NUBPL: variants seen among roughly 807,000 people sequenced by gnomAD.
NUBPL encodes NUBP iron-sulfur cluster assembly factor, mitochondrial.
Under a neutral mutation model 45.7 loss-of-function variants are expected in NUBPL, and 31 were observed. The ratio of observed to expected loss-of-function variants is 0.68; its 90% CI spans 0.51 to 0.92. The LOEUF (loss-of-function observed/expected upper bound fraction) is 0.92, where lower values mean the gene tolerates loss of function less well. Among genes scored for constraint, NUBPL ranks in the 40% least tolerant of loss-of-function variants. The probability of loss-of-function intolerance (pLI) is 0.00; values close to 1 mark genes in which losing one functional copy is unlikely to be tolerated. For missense variants in NUBPL, 401 were observed against 398.7 expected (o/e 1.01, Z -0.05); for synonymous variants, 144 against 140.9 (o/e 1.02, Z -0.15).
intron 6 of NUBPL, among the ~76,000 whole-genome samples, chr14:31,734,211 A>G (rs1196055992): frequency 6.6e-6 from 1 of 152,214 alleles, no homozygotes; most frequent in African/African-American, 2.4e-5. Context: ...TTCTTCACAT[A>G]AAAGGCTTCA....
At chr14:31,646,891 T>G (rs1401580326) in intron 4 of NUBPL, among the ~76,000 whole-genome samples, 1 of 152,118 alleles carries the variant, frequency 6.6e-6, no homozygotes, top group East Asian at 1.9e-4. Context: ...AGGCAATCTT[T>G]GTTCCTTTTC....
chr14:31,575,532 GTTA>G (rs1275433324), intron 3 of NUBPL, among the ~76,000 whole-genome samples: 23 of 152,114 alleles, frequency 1.5e-4, no homozygotes, highest in Non-Finnish European at 1.5e-4. Context: ...TTAGCTCCGT[GTTA>G]TTATAATCTG....
At chr14:31,650,540 C>A (rs1056407243) in intron 4 of NUBPL, among the ~76,000 whole-genome samples, 1 of 152,144 alleles carries the variant, frequency 6.6e-6, no homozygotes, top group South Asian at 2.1e-4. Context: ...CCACCCATGT[C>A]GGCCTCCCAA....
chr14:31,561,544 C>T lies in NUBPL; in HGVS notation c.105C>T (p.Arg35=), dbSNP rs61763055. 7.3e-6 allele frequency: 10 copies of T among 1,378,406 alleles called. No individual in the cohort carries two copies. The highest frequency in any genetic ancestry group is 9.4e-6 in the Non-Finnish European group (10 of 1,058,898). 85.4% of individuals were successfully genotyped at this position (1,378,406 alleles called of 1,614,324 possible). A position where few individuals can be genotyped will look rare whatever the true frequency, so the allele number is the denominator to read the frequency against. ...GAAGCCGAGCGATGGTTTGTGGGCG[C>T]CAGGTCCGTGGTGCTGCAGGGCAGG... ...LGGSRAMVCG[R]QLSGAGSETL... The change falls in exon 1 of 11, where the codon CGC becomes CGT. Residue 35 remains arginine, a synonymous_variant. Transcript: ENST00000281081.
At chr14:31,656,519 T>G (rs1038001087) in intron 4 of NUBPL, among the ~76,000 whole-genome samples, 3 of 152,156 alleles carry the variant, frequency 2.0e-5, no homozygotes, top group Non-Finnish European at 1.5e-5. Flanking sequence ...GAAGCCATGA[T>G]AGCATTATTA....
At chr14:31,706,223 C>A (rs1247120450) in intron 6 of NUBPL, among the ~76,000 whole-genome samples, 1 of 152,162 alleles carries the variant, frequency 6.6e-6, no homozygotes, top group African/African-American at 2.4e-5. Context: ...CTACTTCCTG[C>A]TGGATAGGGG....
Position 31,841,917 on chromosome 14 carries a change from C to CTTTTTTTTTTTTTT in NUBPL, c.694-4536_694-4523dup, listed in dbSNP as rs547795007. Among the ~76,000 whole-genome samples the CTTTTTTTTTTTTTT allele has an allele frequency of 7.0e-5, 3 of 43,050 alleles. 1 individual carries two copies. Among genetic ancestry groups the CTTTTTTTTTTTTTT allele is most frequent in the African/African-American group, 2.8e-4 (3 of 10,814 alleles). 28.2% of individuals were successfully genotyped at this position (43,050 alleles called of 152,430 possible). On this transcript the variant is annotated intron_variant, in intron 8 of 10. Coordinates refer to ENST00000281081, the MANE Select transcript of NUBPL (RefSeq NM_025152.3). ...CTTTCATGTATGGGTCGATTCTGGG[C>CTTTTTTTTTTTTTT]TTTTTTTTTTTTTTTTTTTTTTTTT...
chr14:31,648,514 T>C (rs1286827969), intron 4 of NUBPL, among the ~76,000 whole-genome samples: 2 of 152,196 alleles, frequency 1.3e-5, no homozygotes, highest in African/African-American at 4.8e-5. Flanking sequence ...AACATTATGT[T>C]TGGGAATAAG....
chr14:31,655,206 A>T (rs558221455), intron 4 of NUBPL, among the ~76,000 whole-genome samples: 2 of 152,302 alleles, frequency 1.3e-5, no homozygotes, highest in East Asian at 1.9e-4. Flanking sequence ...TTTTCAATTG[A>T]TAGATCCGTT....
At chr14:31,646,830 C>T (rs1000408019) in intron 4 of NUBPL, among the ~76,000 whole-genome samples, 2 of 147,914 alleles carry the variant, frequency 1.4e-5, no homozygotes, top group Non-Finnish European at 1.5e-5. Context: ...CTCTTCAGCA[C>T]CAACACTTCT....
intron 3 of NUBPL, among the ~76,000 whole-genome samples, chr14:31,578,899 A>G (rs1200116377): frequency 1.3e-5 from 2 of 152,234 alleles, no homozygotes; most frequent in Admixed American, 1.3e-4. Context: ...AGATGATTTT[A>G]TTACTGTCAG....
intron 6 of NUBPL, among the ~76,000 whole-genome samples, chr14:31,747,433 G>A (rs780461125): frequency 5.3e-5 from 8 of 151,382 alleles, no homozygotes; most frequent in East Asian, 2.0e-4. Context: ...CACCGCATCC[G>A]GCCTGTCCTG....
chr14:31,808,551 A>G (rs950015223), intron 7 of NUBPL, among the ~76,000 whole-genome samples: 1 of 152,208 alleles, frequency 6.6e-6, no homozygotes, highest in Non-Finnish European at 1.5e-5. Flanking sequence ...ATATACAATC[A>G]TGTCATCTGC....
chr14:31,833,931 G>T (rs2040233020), intron 8 of NUBPL, among the ~76,000 whole-genome samples: 1 of 152,104 alleles, frequency 6.6e-6, no homozygotes, highest in Admixed American at 6.5e-5. Context: ...AGGAAGATGA[G>T]ATCATGAATT....
intron 6 of NUBPL, among the ~76,000 whole-genome samples, chr14:31,693,460 T>C (rs2139868859): frequency 6.6e-6 from 1 of 152,332 alleles, no homozygotes; most frequent in South Asian, 2.1e-4. Context: ...ATTTATGGTA[T>C]GATATATTAA....
intron 8 of NUBPL, chr14:31,844,813 T>C (rs1460459824): frequency 1.2e-4 from 18 of 152,192 alleles, no homozygotes. Flanking sequence ...TTTATTGTAA[T>C]CTCTAAGCCT....
chr14:31,799,644 T>A (rs755450213), intron 7 of NUBPL, among the ~76,000 whole-genome samples: 4 of 152,206 alleles, frequency 2.6e-5, no homozygotes, highest in Non-Finnish European at 5.9e-5. Context: ...TATACAACAT[T>A]ATGTCTTTAA....
At chr14:31,834,407 C>A (rs201734701) in intron 8 of NUBPL, among the ~76,000 whole-genome samples, 1 of 152,060 alleles carries the variant, frequency 6.6e-6, no homozygotes, top group Non-Finnish European at 1.5e-5. Context: ...TCTCGATCTC[C>A]TGACTTCATG....
chr14:31,825,493 TCTC>T (rs1294375514), intron 7 of NUBPL, among the ~76,000 whole-genome samples: 1 of 151,724 alleles, frequency 6.6e-6, no homozygotes, highest in Non-Finnish European at 1.5e-5. Flanking sequence ...TGTTCTTTCT[TCTC>T]CTCCCCCTTG....
Sources: allele counts gnomAD v4.1 joint callset (sites outside exome capture counted in the v4.1 genomes callset), GRCh38; gene constraint gnomAD v4.1.1; transcripts MANE v1.5; gene names NCBI Gene and HGNC (gene_info 2026-07-23, HGNC 2026-07-21).